RSBN1: variants seen among roughly 807,000 people sequenced by gnomAD.
RSBN1 encodes lysine-specific demethylase 9.
A neutral mutation model predicts 74.8 loss-of-function variants in RSBN1; 23 were observed. The observed-to-expected ratio is 0.31, with a 90% confidence interval of 0.22 to 0.44. The LOEUF is 0.44. Among genes scored for constraint, RSBN1 ranks in the 20% least tolerant of loss-of-function variants. The probability of loss-of-function intolerance (pLI) is 1.00; values close to 1 mark genes in which losing one functional copy is unlikely to be tolerated. For missense variants in RSBN1, 808 were observed against 1,020.9 expected (o/e 0.79, Z 2.84); for synonymous variants, 407 against 379.6 (o/e 1.07, Z -0.84).
intron 3 of RSBN1, 33 bp from the exon 4 acceptor site, chr1:113,777,385 A>T (rs748153046): frequency 6.3e-7 from 1 of 1,577,862 alleles, no homozygotes; most frequent in Non-Finnish European, 8.6e-7. Flanking sequence ...ACATTAAAAA[A>T]TTGTTTCAAT....
intron 5 of RSBN1, 43 bp from the exon 6 acceptor site, chr1:113,767,250 ATG>A: frequency 9.2e-7 from 1 of 1,081,838 alleles, no homozygotes; most frequent in Non-Finnish European, 1.4e-6. Context: ...ACATCTCACA[ATG>A]AAAAATGATG....
At position 113,763,640 on chromosome 1, in the gene RSBN1, T is replaced by C. The variant is rs1275223341; in HGVS notation, c.*2340A>G. On this transcript the variant is annotated 3_prime_UTR_variant, in exon 7 of 7. Coordinates refer to ENST00000261441, the MANE Select transcript of RSBN1 (RefSeq NM_018364.5). ...TTACTAGCTAAATGTTTCTCTTCAT[T>C]CTATTGCAATTCTAACATACAATGA... 6.5e-6 allele frequency: 1 copy of C among 152,810 alleles called. No individual in the cohort carries two copies. The highest frequency in any genetic ancestry group is 1.5e-5 in the Non-Finnish European group (1 of 68,048). The allele number at this position is 152,810 out of a possible 1,614,324, so 9.5% of individuals were successfully genotyped here.
chr1:113,770,188 T>C (rs1352194317), intron 4 of RSBN1, among the ~76,000 whole-genome samples: 1 of 152,240 alleles, frequency 6.6e-6, no homozygotes, highest in Non-Finnish European at 1.5e-5. Context: ...GGAAGTTTCC[T>C]AGCTCCTAAG....
Position 113,763,246 on chromosome 1 carries a change from A to G in RSBN1, c.*2734T>C, listed in dbSNP as rs890379365. The G allele has an allele frequency of 6.5e-6, 1 of 152,758 alleles. No individual in the cohort carries two copies. The highest frequency in any genetic ancestry group is 1.9e-4 in the East Asian group (1 of 5,342). The allele number at this position is 152,758 out of a possible 1,614,324, so 9.5% of individuals were successfully genotyped here. ...AATATTCATTTATTGGGTCCTTTCCATAAGCACATTTAAAAACCATCCCTC... is the reference window on the plus strand; with the variant it reads ...AATATTCATTTATTGGGTCCTTTCCGTAAGCACATTTAAAAACCATCCCTC... On this transcript the variant is annotated 3_prime_UTR_variant, in exon 7 of 7. Coordinates refer to ENST00000261441, the MANE Select transcript of RSBN1 (RefSeq NM_018364.5).
intron 1 of RSBN1, among the ~76,000 whole-genome samples, chr1:113,799,885 C>G (rs1660547616): frequency 6.6e-6 from 1 of 152,120 alleles, no homozygotes; most frequent in Admixed American, 6.5e-5. Context: ...CCTGACGAAC[C>G]TTCAAGTTTG....
chr1:113,767,237 C>A, intron 5 of RSBN1, 30 bp from the exon 6 acceptor site: 1 of 1,235,924 alleles, frequency 8.1e-7, no homozygotes, highest in Non-Finnish European at 1.2e-6. Context: ...GTTTCAGAGA[C>A]AAACATCTCA....
intron 4 of RSBN1, among the ~76,000 whole-genome samples, chr1:113,769,686 C>T (rs929836134): frequency 1.3e-5 from 2 of 152,042 alleles, no homozygotes; most frequent in Non-Finnish European, 2.9e-5. Flanking sequence ...GATCCTAGTA[C>T]CTGAGACTAA....
At chr1:113,793,981 T>C (rs1350594657) in intron 2 of RSBN1, among the ~76,000 whole-genome samples, 1 of 152,148 alleles carries the variant, frequency 6.6e-6, no homozygotes, top group African/African-American at 2.4e-5. Context: ...AACAGTTATT[T>C]CTAACCGTAA....
rs372961331 is a variant in RSBN1, at chr1:113,774,534, G to A, written c.1658+2676C>T. On this transcript the variant is annotated intron_variant, in intron 4 of 6. Transcript: ENST00000261441. ...CTAAAAATAAAAAAAAAAATTAGCCGGGCATCATAGCGGGAGGCTGTAGTC... is the reference window on the plus strand; with the variant it reads ...CTAAAAATAAAAAAAAAAATTAGCCAGGCATCATAGCGGGAGGCTGTAGTC... Among the ~76,000 whole-genome samples, 7 of 151,948 alleles carry A rather than the reference G, an allele frequency of 4.6e-5. No individual in the cohort carries two copies. The South Asian group carries it at 1.0e-3, about 23-fold the overall frequency.
intron 4 of RSBN1, among the ~76,000 whole-genome samples, chr1:113,776,216 G>C (rs1660021877): frequency 6.6e-6 from 1 of 152,112 alleles, no homozygotes; most frequent in Non-Finnish European, 1.5e-5. Flanking sequence ...TATGTCATGA[G>C]GACAAAGATG....
rs1234925913 is a variant in RSBN1, at chr1:113,764,322, C to G, written c.*1658G>C. The G allele has an allele frequency of 6.5e-6, 1 of 152,716 alleles. No individual in the cohort carries two copies. The highest frequency in any genetic ancestry group is 1.5e-5 in the Non-Finnish European group (1 of 68,028). The allele number at this position is 152,716 out of a possible 1,614,324, so 9.5% of individuals were successfully genotyped here. ...AAATGGTTTACATTGAAATGTATCC[C>G]TATTTGTCTTCATCCTTTGTAACAG... On this transcript the variant is annotated 3_prime_UTR_variant, in exon 7 of 7. Coordinates refer to ENST00000261441, the MANE Select transcript of RSBN1 (RefSeq NM_018364.5).
chr1:113,795,609 T>G (rs1377337652), intron 2 of RSBN1, among the ~76,000 whole-genome samples: 1 of 152,228 alleles, frequency 6.6e-6, no homozygotes, highest in Non-Finnish European at 1.5e-5. Context: ...CTTATGTGGT[T>G]GAAGCGTTTA....
At chr1:113,767,076 G>T in intron 6 of RSBN1, 23 bp downstream of exon 6, 1 of 1,334,680 alleles carries the variant, frequency 7.5e-7, no homozygotes, top group Non-Finnish European at 1.1e-6. Context: ...TATCGCAAAT[G>T]GTGATAAAAC....
Position 113,811,869 on chromosome 1 carries a change from C to G in RSBN1, c.544G>C (p.Gly182Arg). Reference sequence around the variant, plus strand: ...TCCTTGTGGCCCTTATGCTTGGGCCCGGCCGCGCTCACCGTCAGAGGCGAG... The same window carrying G: ...TCCTTGTGGCCCTTATGCTTGGGCCGGGCCGCGCTCACCGTCAGAGGCGAG... ...TFSPLTVSAA[G>R]PKHKGHKERH... The change falls in exon 1 of 7, where the codon GGG becomes CGG. Residue 182 changes from glycine (G) to arginine (R), a missense_variant. Gly to Arg is a moderately radical substitution (Grantham distance 125, BLOSUM62 -2). Around this residue, in one of 6 missense-constraint regions of RSBN1, gnomAD observed 464 missense variants for 401.0 expected, o/e 1.16. Transcript: ENST00000261441. 1 of 1,613,290 alleles carries G rather than the reference C, an allele frequency of 6.2e-7. No homozygotes were observed. Among genetic ancestry groups the G allele is most frequent in the Non-Finnish European group, 8.5e-7 (1 of 1,179,806 alleles).
rs769254536 is a variant in RSBN1 at position 113,812,147 on chromosome 1, C to A, written c.266G>T (p.Arg89Leu). The A allele has an allele frequency of 3.1e-5, 50 of 1,609,722 alleles. No individual in the cohort carries two copies. Among genetic ancestry groups the A allele is most frequent in the Admixed American group, 1.7e-4 (10 of 59,996 alleles). The change falls in exon 1 of 7, where the codon CGC becomes CTC. Residue 89 changes from arginine to leucine, a missense_variant. Physicochemically the swap from Arg to Leu is moderately radical, Grantham distance 102. Around this residue, in one of 6 missense-constraint regions of RSBN1, gnomAD observed 464 missense variants for 401.0 expected, o/e 1.16. Coordinates refer to ENST00000261441, the MANE Select transcript of RSBN1 (RefSeq NM_018364.5). ...CTGAGACCCCCCACTGCTAGATCGG[C>A]GCTGCCGTTTAACTCCCCGCGGGGA... ...GVSPRGVKRQ[R>L]RSSSGGSQEK...
intron 2 of RSBN1, among the ~76,000 whole-genome samples, chr1:113,782,743 G>A (rs574947895): frequency 1.2e-4 from 18 of 152,194 alleles, no homozygotes; most frequent in Non-Finnish European, 2.4e-4. Flanking sequence ...CATAATGTCT[G>A]TACTAATTTA....
At chr1:113,794,889 T>G (rs1660440430) in intron 2 of RSBN1, among the ~76,000 whole-genome samples, 1 of 152,230 alleles carries the variant, frequency 6.6e-6, no homozygotes, top group Non-Finnish European at 1.5e-5. Flanking sequence ...TAAACTATCT[T>G]GAAATATAGT....
At chr1:113,784,023 C>A (rs1660192264) in intron 2 of RSBN1, among the ~76,000 whole-genome samples, 1 of 152,062 alleles carries the variant, frequency 6.6e-6, no homozygotes, top group African/African-American at 2.4e-5. Context: ...TAAAAAATAT[C>A]TATAACTAGG....
chr1:113,811,601 A>G, intron 1 of RSBN1, 109 bp downstream of exon 1: 1 of 1,444,654 alleles, frequency 6.9e-7, no homozygotes, highest in Non-Finnish European at 9.1e-7. Flanking sequence ...TTAGAGAAGT[A>G]CAGCAGCAGA....
Sources: gnomAD v4.1 joint callset for allele counts (sites outside exome capture counted in the v4.1 genomes callset) on GRCh38, gnomAD v4.1.1 for gene constraint, gnomAD v4.1.1 regional missense constraint, MANE v1.5 for transcripts, NCBI Gene and HGNC (gene_info 2026-07-23, HGNC 2026-07-21) for gene names.